The following UBE2L3 variants were observed in gnomAD, a reference collection of about 807,000 sequenced individuals.
The protein encoded by UBE2L3 is ubiquitin conjugating enzyme E2 L3.
Under a neutral mutation model 17.8 loss-of-function variants are expected in UBE2L3, and 1 was observed. That is an observed-to-expected ratio of 0.06 (90% CI 0.02 to 0.27). The LOEUF is 0.27. UBE2L3 is among the 10% of genes least tolerant of loss of function. UBE2L3 has a pLI of 1.00. For synonymous variants in UBE2L3, 44 were observed against 68.5 expected, an observed-to-expected ratio of 0.64 and a Z score of 1.76; for missense variants, 40 against 192.6, an observed-to-expected ratio of 0.21 and a Z score of 4.69.
intron 1 of UBE2L3, among the ~76,000 whole-genome samples, chr22:21,572,090 A>G (rs982827204): frequency 6.6e-6 from 1 of 152,110 alleles, no homozygotes; most frequent in East Asian, 1.9e-4. Context: ...GATGGGAAGG[A>G]GTATACTCAA....
At chr22:21,606,969 C>A (rs996028224) in intron 2 of UBE2L3, among the ~76,000 whole-genome samples, 3 of 152,224 alleles carry the variant, frequency 2.0e-5, no homozygotes, top group Non-Finnish European at 4.4e-5. Flanking sequence ...CTTCCAAGTC[C>A]CTGCCATCTA....
chr22:21,560,023 G>C (rs1306877830), intron 1 of UBE2L3, among the ~76,000 whole-genome samples: 1 of 152,272 alleles, frequency 6.6e-6, no homozygotes, highest in Non-Finnish European at 1.5e-5. Context: ...GGGCCCCCTG[G>C]CCTACTGGGC....
chr22:21,567,118 G>A (rs1926665966), upstream of UBE2L3, among the ~76,000 whole-genome samples: 2 of 151,960 alleles, frequency 1.3e-5, no homozygotes, highest in African/African-American at 4.8e-5. Context: ...CTATCACCCA[G>A]TTTTCTTCAC....
At chr22:21,580,069 TA>T (rs767127189) in intron 1 of UBE2L3, among the ~76,000 whole-genome samples, 4 of 152,216 alleles carry the variant, frequency 2.6e-5, no homozygotes, top group Non-Finnish European at 5.9e-5. Flanking sequence ...TTGATGTAAA[TA>T]TTGGTCAATA....
intron 1 of UBE2L3, among the ~76,000 whole-genome samples, chr22:21,588,411 C>CTCAGA (rs1053661325): frequency 1.3e-5 from 2 of 149,450 alleles, no homozygotes; most frequent in African/African-American, 4.9e-5. Flanking sequence ...CCTTTTGAGT[C>CTCAGA]TCAGATATTC....
chr22:21,567,543 C>A, upstream of UBE2L3: 1 of 1,170,768 alleles, frequency 8.5e-7, no homozygotes, highest in Non-Finnish European at 1.2e-6. Flanking sequence ...ATTGGACGAT[C>A]CGTAAACGCT....
At chr22:21,556,429 T>C (rs1163204091) in intron 1 of UBE2L3, among the ~76,000 whole-genome samples, 1 of 152,218 alleles carries the variant, frequency 6.6e-6, no homozygotes, top group Non-Finnish European at 1.5e-5. Context: ...TTTAAAATTG[T>C]TTTATCATTT....
chr22:21,580,911 C>T (rs1927586804), intron 1 of UBE2L3, among the ~76,000 whole-genome samples: 1 of 151,314 alleles, frequency 6.6e-6, no homozygotes, highest in Admixed American at 6.6e-5. Context: ...CAAGGTCTTG[C>T]TCCGTTGCCC....
intron 1 of UBE2L3, among the ~76,000 whole-genome samples, chr22:21,580,924 G>A (rs549809599): frequency 1.5e-4 from 23 of 151,830 alleles, no homozygotes; most frequent in African/African-American, 5.3e-4. Context: ...CGTTGCCCAG[G>A]CTGGAGTGCA....
chr22:21,556,944 C>T (rs1349192372), intron 1 of UBE2L3, among the ~76,000 whole-genome samples: 2 of 152,216 alleles, frequency 1.3e-5, no homozygotes, highest in Non-Finnish European at 2.9e-5. Flanking sequence ...ATCCCAGCTA[C>T]TCGGGAGGCT....
intron 1 of UBE2L3, among the ~76,000 whole-genome samples, chr22:21,583,021 A>G (rs1927731822): frequency 6.6e-6 from 1 of 152,148 alleles, no homozygotes; most frequent in Admixed American, 6.5e-5. Flanking sequence ...GCATAGGGGT[A>G]TTAAACAGCC....
chr22:21,618,513 C>T (rs866708641), intron 3 of UBE2L3, among the ~76,000 whole-genome samples: 1 of 150,930 alleles, frequency 6.6e-6, no homozygotes, highest in African/African-American at 2.4e-5. Flanking sequence ...TGCAGTGAGC[C>T]GAGATTGTGA....
At position 21,583,015 on chromosome 22, in the gene UBE2L3, A is replaced by G. The variant is rs572838855; in HGVS notation, c.28-9846A>G. On this transcript the variant is annotated intron_variant, in intron 1 of 3. Coordinates refer to ENST00000342192, the MANE Select transcript of UBE2L3 (RefSeq NM_003347.4). ...AAGCCCTTCCCCTGCCTCTCTGCAT[A>G]GGGGTATTAAACAGCCCCCAGGGGC... is the stretch of plus-strand genomic sequence containing the variant. Among the ~76,000 whole-genome samples, 4 of 152,208 alleles carry G rather than the reference A, an allele frequency of 2.6e-5. No individual in the cohort carries two copies. In the East Asian group the frequency reaches 5.8e-4, roughly 22 times the overall value.
At chr22:21,557,596 C>T (rs1197490651) in intron 1 of UBE2L3, among the ~76,000 whole-genome samples, 2 of 152,080 alleles carry the variant, frequency 1.3e-5, no homozygotes, top group Admixed American at 6.5e-5. Flanking sequence ...AATCTTGGCT[C>T]ACTGCAACCT....
intron 1 of UBE2L3, among the ~76,000 whole-genome samples, chr22:21,576,453 A>G (rs1212923267): frequency 6.6e-6 from 1 of 151,928 alleles, no homozygotes; most frequent in Non-Finnish European, 1.5e-5. Flanking sequence ...GCCCGCCACC[A>G]TGCCCAGCTA....
chr22:21,568,150 A>C (rs1386820238), intron 1 of UBE2L3: 1 of 1,021,198 alleles, frequency 9.8e-7, no homozygotes, highest in Non-Finnish European at 1.2e-6. Context: ...CGAGCGCCGG[A>C]GCCCCTGCCC....
chr22:21,572,447 C>T (rs1457071484), intron 1 of UBE2L3, among the ~76,000 whole-genome samples: 1 of 132,766 alleles, frequency 7.5e-6, no homozygotes, highest in Non-Finnish European at 1.6e-5. Flanking sequence ...AAAAAGAAAA[C>T]CCTGAGACAA....
chr22:21,585,900 T>G (rs4820091), intron 1 of UBE2L3, among the ~76,000 whole-genome samples: 45,703 of 151,986 alleles, frequency 0.3, 8,091 homozygotes, highest in East Asian at 0.51. Context: ...CATATTTTGT[T>G]GGGGGAAGGG....
At chr22:21,611,929 T>C (rs1334614770) in intron 3 of UBE2L3, among the ~76,000 whole-genome samples, 1 of 152,142 alleles carries the variant, frequency 6.6e-6, no homozygotes, top group Non-Finnish European at 1.5e-5. Flanking sequence ...TAGGGGCTCA[T>C]GGGTCCTTCC....
Sources: allele counts gnomAD v4.1 joint callset (sites outside exome capture counted in the v4.1 genomes callset), GRCh38; gene constraint gnomAD v4.1.1; transcripts MANE v1.5; gene names NCBI Gene and HGNC (gene_info 2026-07-23, HGNC 2026-07-21).